Variants in MEIS2 observed in about 807,000 individuals in gnomAD.
MEIS2 encodes the protein homeobox protein Meis2.
A neutral mutation model predicts 58.6 loss-of-function variants in MEIS2; 9 were observed. That is an observed-to-expected ratio of 0.15 (90% confidence interval 0.09 to 0.27). The LOEUF (loss-of-function observed/expected upper bound fraction) is 0.27, where lower values mean the gene tolerates loss of function less well. Among genes scored for constraint, MEIS2 ranks in the 10% least tolerant of loss-of-function variants. The probability of loss-of-function intolerance (pLI) is 1.00; values close to 1 mark genes in which losing one functional copy is unlikely to be tolerated. For missense variants in MEIS2, 427 were observed against 635.0 expected (o/e 0.67, Z 3.52); for synonymous variants, 221 against 228.4 (o/e 0.97, Z 0.29).
At chr15:37,043,834 C>T (rs368749058) in intron 7 of MEIS2, among the ~76,000 whole-genome samples, 11 of 152,046 alleles carry the variant, frequency 7.2e-5, no homozygotes, top group African/African-American at 2.2e-4. Flanking sequence ...ATTACAGGCG[C>T]GTGCCACCAC....
chr15:37,005,535 G>T (rs2060888833), intron 8 of MEIS2, among the ~76,000 whole-genome samples: 1 of 152,036 alleles, frequency 6.6e-6, no homozygotes, highest in Non-Finnish European at 1.5e-5. Flanking sequence ...CTAGTTTACT[G>T]CATTCTGTAG....
At position 37,093,570 on chromosome 15, in the gene MEIS2, A is replaced by G; in HGVS notation, c.639+11T>C. ...TGGCCTTAAAAGATTGCTAAAGGCT[A>G]GCAGACTTACATGGTCAGCGAGATT... On this transcript the variant is annotated intron_variant, in intron 6 of 11. Transcript: ENST00000561208. The G allele has an allele frequency of 6.2e-7, 1 of 1,613,954 alleles. No individual in the cohort carries two copies. Among genetic ancestry groups the G allele is most frequent in the South Asian group, 1.1e-5 (1 of 91,076 alleles).
chr15:36,922,714 G>A lies in MEIS2; in HGVS notation c.978-26028C>T, dbSNP rs149647703. On this transcript the variant is annotated intron_variant, in intron 9 of 11. Transcript: ENST00000561208. ...CAGCACACTGCAACCTCCGCCTCCC[G>A]GGTTCAGGCGATTCTCCTGCCTCAG... Among the ~76,000 whole-genome samples, 623 of 148,756 alleles carry A rather than the reference G, an allele frequency of 4.2e-3. 4 individuals carry two copies. Among genetic ancestry groups the A allele is most frequent in the African/African-American group, 0.014 (588 of 40,666 alleles).
At chr15:36,950,189 A>T in intron 9 of MEIS2, 135 bp downstream of exon 9, 3 of 719,486 alleles carry the variant, frequency 4.2e-6, no homozygotes, top group Non-Finnish European at 6.8e-6. Flanking sequence ...CCCCTTTCAC[A>T]CCTCGAGGTA....
intron 8 of MEIS2, among the ~76,000 whole-genome samples, chr15:37,024,315 C>G (rs2061628399): frequency 6.6e-6 from 1 of 152,156 alleles, no homozygotes; most frequent in Non-Finnish European, 1.5e-5. Context: ...TACTTTCTTT[C>G]TCCACCTCTT....
At chr15:37,072,658 C>T (rs893688098) in intron 7 of MEIS2, among the ~76,000 whole-genome samples, 3 of 152,104 alleles carry the variant, frequency 2.0e-5, no homozygotes, top group Non-Finnish European at 4.4e-5. Flanking sequence ...CCACTGAAGG[C>T]CATCAAAATC....
intron 8 of MEIS2, among the ~76,000 whole-genome samples, chr15:37,019,539 A>G (rs1422490354): frequency 1.3e-5 from 2 of 152,216 alleles, no homozygotes; most frequent in African/African-American, 2.4e-5. Flanking sequence ...CTTCAATTAA[A>G]TTGCAAAGCA....
chr15:36,976,373 C>G (rs1048580270), intron 8 of MEIS2, among the ~76,000 whole-genome samples: 1 of 151,664 alleles, frequency 6.6e-6, no homozygotes, highest in Non-Finnish European at 1.5e-5. Flanking sequence ...CGTGAGCCAC[C>G]GCGCCTGGCC....
At chr15:37,062,190 T>C (rs1249157606) in intron 7 of MEIS2, among the ~76,000 whole-genome samples, 1 of 152,164 alleles carries the variant, frequency 6.6e-6, no homozygotes, top group Non-Finnish European at 1.5e-5. Flanking sequence ...GCCAATACTC[T>C]TTGCATGTGG....
chr15:37,014,845 G>GTTTTTTTTTTTTTTTTTT (rs35727022), intron 8 of MEIS2, among the ~76,000 whole-genome samples: 1 of 140,062 alleles, frequency 7.1e-6, no homozygotes, highest in Non-Finnish European at 1.6e-5. Context: ...AGGTCTAAGG[G>GTTTTTTTTTTTTTTTTTT]TTTTTTTTTT....
intron 8 of MEIS2, among the ~76,000 whole-genome samples, chr15:37,033,450 T>G (rs1427315336): frequency 2.0e-5 from 3 of 152,158 alleles, no homozygotes; most frequent in Admixed American, 1.3e-4. Context: ...TTAGCTTCTT[T>G]TTTAAAAAAG....
At chr15:37,020,751 G>T (rs555523126) in intron 8 of MEIS2, among the ~76,000 whole-genome samples, 1 of 149,978 alleles carries the variant, frequency 6.7e-6, no homozygotes, top group Admixed American at 6.6e-5. Context: ...CTGTGTTATG[G>T]GGGAAAAAAA....
intron 7 of MEIS2, among the ~76,000 whole-genome samples, chr15:37,079,511 CT>C (rs1891913427): frequency 6.7e-6 from 1 of 148,210 alleles, no homozygotes; most frequent in Admixed American, 6.9e-5. Context: ...CCCCCTCCTC[CT>C]CTTTAAATAT....
At chr15:36,927,916 CATAA>C (rs888591919) in intron 9 of MEIS2, among the ~76,000 whole-genome samples, 1 of 152,000 alleles carries the variant, frequency 6.6e-6, no homozygotes, top group African/African-American at 2.4e-5. Context: ...TGATAAATAA[CATAA>C]ATAAACAAAT....
At chr15:36,901,913 C>T (rs917749033) in intron 9 of MEIS2, among the ~76,000 whole-genome samples, 24 of 152,204 alleles carry the variant, frequency 1.6e-4, no homozygotes, top group African/African-American at 5.8e-4. Context: ...TGAGCATGCC[C>T]TTCTCCATTA....
chr15:36,906,077 G>T (rs2056719247), intron 9 of MEIS2, among the ~76,000 whole-genome samples: 1 of 152,198 alleles, frequency 6.6e-6, no homozygotes, highest in Non-Finnish European at 1.5e-5. Flanking sequence ...TAAAGCACCA[G>T]TCCAGACCGG....
chr15:36,948,249 T>C (rs1327003470), intron 9 of MEIS2, among the ~76,000 whole-genome samples: 1 of 151,870 alleles, frequency 6.6e-6, no homozygotes, highest in Non-Finnish European at 1.5e-5. Context: ...CTGTGGCAAA[T>C]ATGGCTCAAA....
chr15:36,900,534 T>C (rs2056414683), intron 9 of MEIS2, among the ~76,000 whole-genome samples: 3 of 152,178 alleles, frequency 2.0e-5, no homozygotes, highest in Admixed American at 6.5e-5. Flanking sequence ...AATAACTTAA[T>C]TATAGAAATA....
intron 7 of MEIS2, among the ~76,000 whole-genome samples, chr15:37,053,814 A>G (rs1475721621): frequency 6.6e-6 from 1 of 152,232 alleles, no homozygotes; most frequent in African/African-American, 2.4e-5. Flanking sequence ...ACCACAAGAC[A>G]TGATAGGGAG....
Sources: allele counts gnomAD v4.1 joint callset (sites outside exome capture counted in the v4.1 genomes callset), GRCh38; gene constraint gnomAD v4.1.1; transcripts MANE v1.5; gene names NCBI Gene and HGNC (gene_info 2026-07-23, HGNC 2026-07-21).